NOL4: variants seen among roughly 807,000 people sequenced by gnomAD.
NOL4 encodes nucleolar protein 4.
In NOL4, 17 loss-of-function variants were observed where a neutral mutation model predicts 75.9. That is an observed-to-expected ratio of 0.22 (90% CI 0.15 to 0.34). The LOEUF is 0.34. Ranked by LOEUF, NOL4 falls within the 10% of genes least tolerant of loss-of-function variation. NOL4 has a pLI of 1.00. For synonymous variants in NOL4, 292 were observed against 289.9 expected, an observed-to-expected ratio of 1.01 and a Z score of -0.07; for missense variants, 614 against 793.5, an observed-to-expected ratio of 0.77 and a Z score of 2.72.
Position 33,957,235 on chromosome 18 carries a change from A to G in NOL4, c.1428+91T>C, listed in dbSNP as rs2069719767. On this transcript the variant is annotated intron_variant, in intron 8 of 10. Coordinates refer to ENST00000261592, the MANE Select transcript of NOL4 (RefSeq NM_003787.5). ...GACCTGACATTATGGAAAAAAATAAAAAAAGACACTAAGATGGAAAAAAAA... is the reference window on the plus strand; with the variant it reads ...GACCTGACATTATGGAAAAAAATAAGAAAAGACACTAAGATGGAAAAAAAA... The G allele has an allele frequency of 3.6e-6, 4 of 1,109,240 alleles. No individual in the cohort carries two copies. In the Admixed American group the frequency reaches 1.0e-4, roughly 29 times the overall value. 68.7% of individuals were successfully genotyped at this position (1,109,240 alleles called of 1,614,324 possible).
chr18:34,153,174 C>T (rs770636558), intron 1 of NOL4, among the ~76,000 whole-genome samples: 10 of 151,766 alleles, frequency 6.6e-5, no homozygotes, highest in South Asian at 2.1e-4. Flanking sequence ...CATTTCTTTT[C>T]GATACATCAC....
intron 5 of NOL4, among the ~76,000 whole-genome samples, chr18:34,022,931 C>A (rs2075128724): frequency 6.6e-6 from 1 of 151,900 alleles, no homozygotes. Context: ...TCAGGAAAGG[C>A]TTTAATAAGT....
At chr18:34,137,287 T>C (rs2080931106) in intron 1 of NOL4, among the ~76,000 whole-genome samples, 1 of 151,982 alleles carries the variant, frequency 6.6e-6, no homozygotes, top group African/African-American at 2.4e-5. Flanking sequence ...AAATTATAAA[T>C]TGAACTACAA....
intron 5 of NOL4, among the ~76,000 whole-genome samples, chr18:34,069,702 C>G (rs2077428233): frequency 6.6e-6 from 1 of 152,100 alleles, no homozygotes; most frequent in Non-Finnish European, 1.5e-5. Flanking sequence ...GCAACCAGTC[C>G]AGAAAACCAA....
intron 9 of NOL4, among the ~76,000 whole-genome samples, chr18:33,903,991 G>A (rs1193697244): frequency 6.6e-6 from 1 of 152,110 alleles, no homozygotes; most frequent in Non-Finnish European, 1.5e-5. Flanking sequence ...CCAAATCAAA[G>A]ATGGATTCAC....
chr18:34,207,168 T>C (rs2036180939), intron 1 of NOL4, among the ~76,000 whole-genome samples: 1 of 152,200 alleles, frequency 6.6e-6, no homozygotes, highest in Non-Finnish European at 1.5e-5. Flanking sequence ...CCTTTATAAT[T>C]CCAACATCTG....
At chr18:33,934,152 T>C (rs1259419515) in intron 9 of NOL4, among the ~76,000 whole-genome samples, 1 of 150,458 alleles carries the variant, frequency 6.6e-6, no homozygotes, top group East Asian at 1.9e-4. Flanking sequence ...AAGGAATCTT[T>C]TTTTTTTATT....
At chr18:34,211,947 TA>T (rs1040870578) in intron 1 of NOL4, among the ~76,000 whole-genome samples, 8 of 152,088 alleles carry the variant, frequency 5.3e-5, no homozygotes, top group African/African-American at 9.7e-5. Flanking sequence ...TTAAATAAGT[TA>T]AAAAAATAAA....
chr18:34,185,918 G>C (rs1431152415), intron 1 of NOL4, among the ~76,000 whole-genome samples: 1 of 152,134 alleles, frequency 6.6e-6, no homozygotes, highest in African/African-American at 2.4e-5. Flanking sequence ...TCTTCATGCT[G>C]TGTGCCTAAT....
chr18:34,019,501 A>G lies in NOL4; in HGVS notation c.873T>C (p.Ser291=). 6.2e-7 allele frequency: 1 copy of G among 1,613,978 alleles called. No homozygotes were observed. The highest frequency in any genetic ancestry group is 8.5e-7 in the Non-Finnish European group (1 of 1,179,982). The change falls in exon 6 of 11, where the codon AGT becomes AGC. Residue 291 remains serine (S), a synonymous_variant. Coordinates refer to ENST00000261592, the MANE Select transcript of NOL4 (RefSeq NM_003787.5). ...CTTGCTCCAGCCCAGTTTTGCCATC[A>G]CTGTTGGAGTCTCCCATCTCCCTGC... The part of the protein sequence containing the change: ...THSREMGDSN[S]DGKTGLEQDE...
intron 5 of NOL4, among the ~76,000 whole-genome samples, chr18:34,052,523 G>A (rs745422247): frequency 9.2e-5 from 14 of 152,044 alleles, no homozygotes; most frequent in Non-Finnish European, 2.1e-4. Context: ...TATCTGTCAG[G>A]TAAATAATTG....
chr18:34,040,031 C>CT (rs2076073001), intron 5 of NOL4, among the ~76,000 whole-genome samples: 2 of 151,890 alleles, frequency 1.3e-5, no homozygotes, highest in South Asian at 4.1e-4. Context: ...TGTTAAGTAC[C>CT]TTGGGCATAT....
At chr18:34,121,685 T>G (rs952608019) in intron 2 of NOL4, among the ~76,000 whole-genome samples, 1 of 152,216 alleles carries the variant, frequency 6.6e-6, no homozygotes, top group Middle Eastern at 3.2e-3. Flanking sequence ...ATTATTGAAT[T>G]GCTAAACAAC....
intron 8 of NOL4, among the ~76,000 whole-genome samples, chr18:33,945,938 G>C (rs1941352): frequency 0.15 from 23,465 of 151,586 alleles, 2,268 homozygotes; most frequent in East Asian, 0.4. Flanking sequence ...CCAGAACTCA[G>C]GTTTCGTGTC....
At chr18:34,084,284 A>T (rs2078146602) in intron 5 of NOL4, among the ~76,000 whole-genome samples, 1 of 152,096 alleles carries the variant, frequency 6.6e-6, no homozygotes, top group South Asian at 2.1e-4. Context: ...AGGGCTGCTG[A>T]TCCAAGATAC....
intron 6 of NOL4, among the ~76,000 whole-genome samples, chr18:34,009,602 G>A (rs541945207): frequency 6.6e-6 from 1 of 151,884 alleles, no homozygotes; most frequent in Admixed American, 6.6e-5. Flanking sequence ...TTTTATTGAT[G>A]AACTGTCCAA....
intron 1 of NOL4, among the ~76,000 whole-genome samples, chr18:34,164,692 A>G (rs1196431476): frequency 1.3e-5 from 2 of 152,064 alleles, no homozygotes. Flanking sequence ...GCGATTCCTC[A>G]GGGATCTTGA....
At chr18:34,195,545 G>A (rs1047434692) in intron 1 of NOL4, among the ~76,000 whole-genome samples, 2 of 150,318 alleles carry the variant, frequency 1.3e-5, no homozygotes, top group South Asian at 4.2e-4. Context: ...TTTTATGTAT[G>A]TTTGATAGAT....
At chr18:33,907,119 C>T (rs569320943) in intron 9 of NOL4, among the ~76,000 whole-genome samples, 12 of 151,978 alleles carry the variant, frequency 7.9e-5, no homozygotes, top group African/African-American at 2.4e-4. Context: ...GTCAGGAGAT[C>T]GAGACCATCC....
Sources: gnomAD v4.1 joint callset for allele counts (sites outside exome capture counted in the v4.1 genomes callset) on GRCh38, gnomAD v4.1.1 for gene constraint, MANE v1.5 for transcripts, NCBI Gene and HGNC (gene_info 2026-07-23, HGNC 2026-07-21) for gene names.